Variants in USP28 observed in about 807,000 individuals in gnomAD.
The protein encoded by USP28 is ubiquitin carboxyl-terminal hydrolase 28.
A neutral mutation model predicts 145.0 loss-of-function variants in USP28; 113 were observed. The observed-to-expected ratio is 0.78, with a 90% CI of 0.67 to 0.91. The LOEUF (loss-of-function observed/expected upper bound fraction) is 0.91, where lower values mean the gene tolerates loss of function less well. USP28 is among the 40% of genes least tolerant of loss of function. The probability of loss-of-function intolerance (pLI) is 0.00; values close to 1 mark genes in which losing one functional copy is unlikely to be tolerated. For missense variants in USP28, 1,201 were observed against 1,289.6 expected (o/e 0.93, Z 1.05); for synonymous variants, 447 against 450.9 (o/e 0.99, Z 0.11).
intron 7 of USP28, 74 bp from the exon 8 acceptor site, chr11:113,832,067 C>CA (rs777652096): frequency 8.0e-7 from 1 of 1,247,476 alleles, no homozygotes. Context: ...CTTATCCCAC[C>CA]AATGAATTAA....
At chr11:113,852,220 G>A (rs2136464184) in intron 3 of USP28, among the ~76,000 whole-genome samples, 1 of 152,212 alleles carries the variant, frequency 6.6e-6, no homozygotes, top group Non-Finnish European at 1.5e-5. Flanking sequence ...AGTAGAGACG[G>A]GGTTTCACCG....
chr11:113,826,934 AC>A (rs1298999266), intron 11 of USP28, among the ~76,000 whole-genome samples: 2 of 150,244 alleles, frequency 1.3e-5, no homozygotes, highest in African/African-American at 4.9e-5. Flanking sequence ...AAAAAAAAAA[AC>A]AAAAATTCTA....
exon 1 of USP28, chr11:113,875,479 T>C: frequency 8.1e-7 from 1 of 1,230,170 alleles, no homozygotes; most frequent in Non-Finnish European, 1.0e-6. Context: ...GGCCGCGTCG[T>C]CCTGCTGCAG....
At chr11:113,857,499 G>C (rs1270447283) in intron 1 of USP28, among the ~76,000 whole-genome samples, 1 of 152,078 alleles carries the variant, frequency 6.6e-6, no homozygotes, top group African/African-American at 2.4e-5. Context: ...AAATTTTTAA[G>C]TGACATACGC....
intron 8 of USP28, among the ~76,000 whole-genome samples, chr11:113,831,629 T>C (rs1217081643): frequency 2.0e-5 from 3 of 152,158 alleles, no homozygotes; most frequent in Non-Finnish European, 4.4e-5. Flanking sequence ...GGTTGATTTG[T>C]CCTTTTTACA....
intron 1 of USP28, among the ~76,000 whole-genome samples, chr11:113,873,127 C>A (rs945200047): frequency 6.6e-6 from 1 of 152,144 alleles, no homozygotes; most frequent in African/African-American, 2.4e-5. Flanking sequence ...TAGAATGCCT[C>A]AGAGAGTTCA....
At chr11:113,857,551 T>C (rs996021421) in intron 1 of USP28, among the ~76,000 whole-genome samples, 1 of 152,214 alleles carries the variant, frequency 6.6e-6, no homozygotes. Flanking sequence ...CTGTCAACTG[T>C]TGTTATAACA....
intron 18 of USP28, among the ~76,000 whole-genome samples, 188 bp downstream of exon 19, chr11:113,807,763 C>A (rs1012375051): frequency 6.6e-6 from 1 of 151,996 alleles, no homozygotes; most frequent in African/African-American, 2.4e-5. Flanking sequence ...ATGCTGGGAG[C>A]GCTATACAAT....
chr11:113,829,339 G>C, exon 10 of USP28: 2 of 1,613,896 alleles, frequency 1.2e-6, no homozygotes, highest in Non-Finnish European at 1.7e-6. Context: ...GTTACAAAAG[G>C]GTTTTCCTAG....
At chr11:113,809,154 T>G in exon 17 of USP28, 1 of 1,614,246 alleles carries the variant, frequency 6.2e-7, no homozygotes. Context: ...ACTCCTCTAC[T>G]TCCTGCTCAA....
chr11:113,834,659 C>A (rs1237212862), intron 5 of USP28, among the ~76,000 whole-genome samples: 1 of 152,186 alleles, frequency 6.6e-6, no homozygotes, highest in African/African-American at 2.4e-5. Flanking sequence ...CTCAAGGGAT[C>A]TGCCCGCTTT....
At chr11:113,869,750 T>A (rs1948634525) in intron 1 of USP28, among the ~76,000 whole-genome samples, 1 of 152,196 alleles carries the variant, frequency 6.6e-6, no homozygotes, top group African/African-American at 2.4e-5. Context: ...ATGCCTAGTA[T>A]AACAACCCTG....
chr11:113,874,897 A>G (rs937255849), intron 1 of USP28: 14 of 1,002,966 alleles, frequency 1.4e-5, no homozygotes, highest in African/African-American at 1.8e-5. Context: ...GATGAAGGCA[A>G]TAATTGGGGA....
exon 2 of USP28, chr11:113,854,323 G>A: frequency 2.5e-6 from 4 of 1,614,022 alleles, no homozygotes; most frequent in Non-Finnish European, 3.4e-6. Context: ...TGATTTAACA[G>A]CATTTGGCAG....
At chr11:113,798,884 ATTC>A (rs1330512595) in exon 25 of USP28, 1 of 157,388 alleles carries the variant, frequency 6.4e-6, no homozygotes, top group African/African-American at 2.4e-5. Flanking sequence ...CTCATGAATC[ATTC>A]TTCTATTCTG....
chr11:113,822,469 AGAGAGAGAGAGAG>A (rs1942764784), intron 12 of USP28: 2 of 104,056 alleles, frequency 1.9e-5, no homozygotes, highest in African/African-American at 6.3e-5. Flanking sequence ...AGAGAGAGAG[AGAGAGAGAGAGAG>A]AGAGAGAGAG....
intron 13 of USP28, among the ~76,000 whole-genome samples, chr11:113,816,326 C>T (rs1164075332): frequency 6.6e-6 from 1 of 152,098 alleles, no homozygotes; most frequent in Non-Finnish European, 1.5e-5. Context: ...ACCACCCTGG[C>T]CAACATGGTG....
At chr11:113,819,798 C>T (rs1942331481) in intron 12 of USP28, among the ~76,000 whole-genome samples, 1 of 152,114 alleles carries the variant, frequency 6.6e-6, no homozygotes, top group African/African-American at 2.4e-5. Flanking sequence ...TGGCTCACTG[C>T]AACCTCCACC....
At chr11:113,857,712 A>T (rs1947218523) in intron 1 of USP28, among the ~76,000 whole-genome samples, 2 of 152,356 alleles carry the variant, frequency 1.3e-5, no homozygotes, top group Middle Eastern at 3.4e-3. Context: ...TAGTATCCAA[A>T]TACTAATTTA....
Sources: gnomAD v4.1 joint callset for allele counts (sites outside exome capture counted in the v4.1 genomes callset) on GRCh38, gnomAD v4.1.1 for gene constraint, MANE v1.5 for transcripts, NCBI Gene and HGNC (gene_info 2026-07-23, HGNC 2026-07-21) for gene names.